The following LMNB1 variants were observed in gnomAD, a reference collection of about 807,000 sequenced individuals.
The protein encoded by LMNB1 is lamin B1.
Under a neutral mutation model 67.1 loss-of-function variants are expected in LMNB1, and 23 were observed. The observed-to-expected ratio is 0.34, with a 90% confidence interval of 0.25 to 0.49. LMNB1 has a LOEUF of 0.49. Among genes scored for constraint, LMNB1 ranks in the 20% least tolerant of loss-of-function variants. The pLI is 0.99. For synonymous variants in LMNB1, 281 were observed against 282.9 expected, an observed-to-expected ratio of 0.99 and a Z score of 0.07; for missense variants, 634 against 746.5, an observed-to-expected ratio of 0.85 and a Z score of 1.76.
chr5:126,828,899 A>G (rs551717046), intron 9 of LMNB1, among the ~76,000 whole-genome samples: 19 of 152,190 alleles, frequency 1.2e-4, no homozygotes, highest in African/African-American at 4.3e-4. Context: ...TAATACCTTC[A>G]GCTTGCGAGG....
At chr5:126,835,197 T>C (rs546319139) in intron 10 of LMNB1, among the ~76,000 whole-genome samples, 1 of 152,338 alleles carries the variant, frequency 6.6e-6, no homozygotes, top group East Asian at 1.9e-4. Context: ...ATGAGGTTTT[T>C]AGCTTTTGTG....
chr5:126,801,222 A>G (rs1363110200), intron 1 of LMNB1, among the ~76,000 whole-genome samples: 1 of 151,466 alleles, frequency 6.6e-6, no homozygotes, highest in African/African-American at 2.4e-5. Context: ...AAGTGCTGGG[A>G]TTATAGACGT....
In LMNB1 at chr5:126,807,044, T is replaced by TG. The variant is rs1434801015; in HGVS notation, c.642+1351dup. 3.9e-5 allele frequency among the ~76,000 whole-genome samples: 6 copies of TG among 152,220 alleles called. No homozygotes were observed. The East Asian group carries it at 9.6e-4, about 24-fold the overall frequency. ...GGCCCGCCTCAGCCTCCCAAAGTGCTGGGATTACAGGCGTGAGCCACCGTG... is the reference window on the plus strand; with the variant it reads ...GGCCCGCCTCAGCCTCCCAAAGTGCTGGGGATTACAGGCGTGAGCCACCGTG... On this transcript the variant is annotated intron_variant, in intron 3 of 10. Coordinates refer to ENST00000261366, the MANE Select transcript of LMNB1 (RefSeq NM_005573.4).
At chr5:126,815,702 C>T (rs1002670044) in intron 5 of LMNB1, among the ~76,000 whole-genome samples, 5 of 152,098 alleles carry the variant, frequency 3.3e-5, no homozygotes, top group Admixed American at 3.3e-4. Flanking sequence ...TTACAGCTTG[C>T]TTATAGCCTC....
At chr5:126,808,229 G>A (rs1751500395) in intron 3 of LMNB1, among the ~76,000 whole-genome samples, 1 of 151,670 alleles carries the variant, frequency 6.6e-6, no homozygotes, top group Admixed American at 6.6e-5. Flanking sequence ...TGTTGCCCAG[G>A]CTGGTGTGCA....
At chr5:126,820,165 A>G (rs1751827012) in intron 6 of LMNB1, among the ~76,000 whole-genome samples, 1 of 152,142 alleles carries the variant, frequency 6.6e-6, no homozygotes, top group South Asian at 2.1e-4. Flanking sequence ...AAAAGAAAAA[A>G]AAAGTTCCAA....
intron 1 of LMNB1, among the ~76,000 whole-genome samples, chr5:126,788,200 A>T (rs781269494): frequency 6.6e-6 from 1 of 152,118 alleles, no homozygotes; most frequent in African/African-American, 2.4e-5. Flanking sequence ...GGTTTGGAGG[A>T]CCCTAAGTCA....
chr5:126,809,539 T>G (rs976201984), intron 3 of LMNB1, among the ~76,000 whole-genome samples: 2 of 152,038 alleles, frequency 1.3e-5, no homozygotes, highest in Non-Finnish European at 2.9e-5. Context: ...ATACAAAAAT[T>G]AGCTGGGCAT....
chr5:126,799,742 G>A (rs992353632), intron 1 of LMNB1, among the ~76,000 whole-genome samples: 1 of 152,232 alleles, frequency 6.6e-6, no homozygotes, highest in Non-Finnish European at 1.5e-5. Context: ...GACCTGGACT[G>A]AGCCTTTCCG....
At chr5:126,813,196 G>A (rs1345484062) in intron 5 of LMNB1, among the ~76,000 whole-genome samples, 1 of 152,068 alleles carries the variant, frequency 6.6e-6, no homozygotes, top group Non-Finnish European at 1.5e-5. Context: ...GTTAACACAG[G>A]GGCTTTTACA....
chr5:126,836,204 C>T lies in LMNB1; in HGVS notation c.1720-19C>T. ...TCTATTTCTTTAGTATTAATTTTTCCTTCTGTTTTCCTCATCAGGGAACCC... is the reference window on the plus strand; with the variant it reads ...TCTATTTCTTTAGTATTAATTTTTCTTTCTGTTTTCCTCATCAGGGAACCC... On this transcript the variant is annotated intron_variant, in intron 10 of 10. Coordinates refer to ENST00000261366, the MANE Select transcript of LMNB1 (RefSeq NM_005573.4). 1 of 1,593,478 alleles carries T rather than the reference C, an allele frequency of 6.3e-7. No homozygotes were observed. Among genetic ancestry groups the T allele is most frequent in the African/African-American group, 1.3e-5 (1 of 74,388 alleles).
At chr5:126,800,317 A>G (rs879427244) in intron 1 of LMNB1, among the ~76,000 whole-genome samples, 1 of 152,176 alleles carries the variant, frequency 6.6e-6, no homozygotes, top group East Asian at 1.9e-4. Flanking sequence ...AGAAAGGTAC[A>G]TGATTTTTTT....
intron 1 of LMNB1, among the ~76,000 whole-genome samples, chr5:126,790,890 G>C (rs1379351478): frequency 6.6e-6 from 1 of 151,918 alleles, no homozygotes; most frequent in African/African-American, 2.4e-5. Flanking sequence ...GTGTGGTGGT[G>C]GGTGCCTGTA....
intron 1 of LMNB1, among the ~76,000 whole-genome samples, chr5:126,795,485 C>T (rs1751063984): frequency 6.6e-6 from 1 of 152,006 alleles, no homozygotes; most frequent in Non-Finnish European, 1.5e-5. Context: ...CCTGGAATGA[C>T]TTTCTGCATG....
chr5:126,810,524 A>T (rs1459238411), intron 4 of LMNB1, among the ~76,000 whole-genome samples, 174 bp downstream of exon 4: 2 of 152,200 alleles, frequency 1.3e-5, no homozygotes, highest in African/African-American at 4.8e-5. Context: ...CTATAAACTA[A>T]ATGTTATTAA....
intron 1 of LMNB1, among the ~76,000 whole-genome samples, chr5:126,782,236 G>A (rs1260711078): frequency 2.6e-5 from 4 of 152,164 alleles, no homozygotes; most frequent in Non-Finnish European, 5.9e-5. Flanking sequence ...AGTGATACAG[G>A]TCCCGTATCT....
chr5:126,777,790 C>A lies in LMNB1; in HGVS notation c.282C>A (p.Asp94Glu). ...TELADARRALDDTARERAKLQ... is the reference protein window; with the variant it reads ...TELADARRALEDTARERAKLQ... ...TGGCCGACGCGCGACGCGCGCTCGA[C>A]GACACGGCCCGCGAGCGCGCCAAGC... Residue 94 changes from aspartate (D) to glutamate (E), a missense_variant, in exon 1 of 11, where the codon GAC (aspartate) becomes GAA (glutamate). Asp to Glu is a conservative substitution (Grantham distance 45). Coordinates refer to ENST00000261366, the MANE Select transcript of LMNB1 (RefSeq NM_005573.4). 6.7e-7 allele frequency: 1 copy of A among 1,501,568 alleles called. No individual in the cohort carries two copies. Among genetic ancestry groups the A allele is most frequent in the Non-Finnish European group, 8.9e-7 (1 of 1,122,762 alleles). The allele number at this position is 1,501,568 out of a possible 1,614,324, so 93.0% of individuals were successfully genotyped here.
intron 10 of LMNB1, among the ~76,000 whole-genome samples, chr5:126,833,953 T>C (rs1278676467): frequency 6.6e-6 from 1 of 152,220 alleles, no homozygotes; most frequent in Non-Finnish European, 1.5e-5. Flanking sequence ...CCCCAAAGCT[T>C]AGTGGCTTAA....
intron 1 of LMNB1, among the ~76,000 whole-genome samples, chr5:126,785,350 G>T (rs112747372): frequency 0.079 from 11,789 of 149,338 alleles, 540 homozygotes; most frequent in Non-Finnish European, 0.11. Context: ...GGAGTGCAGT[G>T]GCACGATCTC....
Sources: gnomAD v4.1 joint callset for allele counts (sites outside exome capture counted in the v4.1 genomes callset) on GRCh38, gnomAD v4.1.1 for gene constraint, MANE v1.5 for transcripts, NCBI Gene and HGNC (gene_info 2026-07-23, HGNC 2026-07-21) for gene names.